Variants in PKNOX2 observed in about 807,000 individuals in gnomAD.
PKNOX2 encodes the protein PBX/knotted 1 homeobox 2, also known as homeobox protein PKNOX2.
Under a neutral mutation model 53.1 loss-of-function variants are expected in PKNOX2, and 14 were observed. The ratio of observed to expected loss-of-function variants is 0.26; its 90% CI spans 0.17 to 0.41. The LOEUF (loss-of-function observed/expected upper bound fraction) is 0.41. Ranked by LOEUF, PKNOX2 falls within the 10% of genes least tolerant of loss-of-function variation. The pLI is 1.00. For missense variants in PKNOX2, 496 were observed against 602.8 expected (o/e 0.82, Z 1.85); for synonymous variants, 257 against 242.8 (o/e 1.06, Z -0.54).
chr11:125,384,485 ACCATCCTGGCTAACATGGTGAAACC>A (rs1953484741), intron 5 of PKNOX2, among the ~76,000 whole-genome samples: 1 of 152,208 alleles, frequency 6.6e-6, no homozygotes, highest in South Asian at 2.1e-4. Flanking sequence ...GGAGATCGAG[ACCATCCTGGCTAACATGGTGAAACC>A]CCATCTCTAC....
intron 1 of PKNOX2, chr11:125,191,148 T>C (rs1207553433): frequency 6.6e-6 from 1 of 152,182 alleles, no homozygotes; most frequent in Non-Finnish European, 1.5e-5. Context: ...TAACATAGCT[T>C]ATACTCTTAT....
rs1027001347 is a variant in PKNOX2 at position 125,310,728 on chromosome 11, T to C, written c.-129-21091T>C. On this transcript the variant is annotated intron_variant, in intron 2 of 12. Coordinates refer to ENST00000298282, the MANE Select transcript of PKNOX2 (RefSeq NM_001382323.2). ...ATCCTGTTCTTTCCATACTCCAAGA[T>C]ATAATTTGCCATTGTCCACAGACTT... Among the ~76,000 whole-genome samples, 77 of 152,162 alleles carry C rather than the reference T, an allele frequency of 5.1e-4. 1 individual carries two copies. The highest frequency in any genetic ancestry group is 1.8e-3 in the African/African-American group (74 of 41,448).
chr11:125,313,988 G>C (rs1475705540), intron 2 of PKNOX2, among the ~76,000 whole-genome samples: 2 of 152,196 alleles, frequency 1.3e-5, no homozygotes, highest in Admixed American at 6.5e-5. Context: ...CACAATGCCA[G>C]GCACACAAGT....
In PKNOX2 at chr11:125,235,042, C is replaced by G. The variant is rs962927602; in HGVS notation, c.-200-3C>G. 5 of 152,630 alleles carry G rather than the reference C, an allele frequency of 3.3e-5. No homozygotes were observed. The highest frequency in any genetic ancestry group is 6.5e-5 in the Admixed American group (1 of 15,274). 9.5% of individuals were successfully genotyped at this position (152,630 alleles called of 1,614,324 possible). On this transcript the variant is annotated splice_region_variant and splice_polypyrimidine_tract_variant and intron_variant, in intron 1 of 12. Transcript: ENST00000298282. ...CTATAAAGATGTTTTCTTTCATTGGCAGGTGAAGTCTGGAGCAGGACTTCT... is the reference window on the plus strand; with the variant it reads ...CTATAAAGATGTTTTCTTTCATTGGGAGGTGAAGTCTGGAGCAGGACTTCT...
intron 2 of PKNOX2, among the ~76,000 whole-genome samples, chr11:125,286,890 G>A (rs568197409): frequency 4.6e-5 from 7 of 152,332 alleles, no homozygotes; most frequent in East Asian, 1.9e-4. Context: ...TTGTGAGTGC[G>A]CAGGCAGCGT....
chr11:125,265,036 C>A (rs574085901), intron 2 of PKNOX2, among the ~76,000 whole-genome samples: 3 of 152,242 alleles, frequency 2.0e-5, no homozygotes, highest in Admixed American at 1.3e-4. Context: ...AGCCTGTAAT[C>A]CCAGCACTCT....
chr11:125,256,740 T>C (rs1944429266), intron 2 of PKNOX2, among the ~76,000 whole-genome samples: 1 of 152,182 alleles, frequency 6.6e-6, no homozygotes, highest in East Asian at 1.9e-4. Context: ...ACTTCCTGGT[T>C]TCTCAGCAGA....
chr11:125,171,847 G>A (rs902156264), intron 1 of PKNOX2, among the ~76,000 whole-genome samples: 15 of 152,336 alleles, frequency 9.8e-5, no homozygotes, highest in Non-Finnish European at 1.9e-4. Flanking sequence ...GGACACTTTG[G>A]GGATGAGGGG....
chr11:125,330,895 A>G (rs1950100646), intron 2 of PKNOX2, among the ~76,000 whole-genome samples: 1 of 152,218 alleles, frequency 6.6e-6, no homozygotes, highest in Admixed American at 6.5e-5. Context: ...GGTGTTAACT[A>G]GGAAGGAACT....
intron 5 of PKNOX2, among the ~76,000 whole-genome samples, chr11:125,382,328 C>T (rs1953301288): frequency 1.3e-5 from 2 of 152,192 alleles, no homozygotes; most frequent in Non-Finnish European, 2.9e-5. Context: ...TGCACGCGCA[C>T]ACACACACAA....
At chr11:125,410,137 G>A (rs542011936) in intron 7 of PKNOX2, 59 bp from the exon 8 acceptor site, 4 of 1,592,070 alleles carry the variant, frequency 2.5e-6, no homozygotes, top group East Asian at 4.5e-5. Context: ...AGGACTCTGG[G>A]GCTGTAGGGT....
At chr11:125,231,163 G>T (rs868708598) in intron 1 of PKNOX2, among the ~76,000 whole-genome samples, 1 of 152,208 alleles carries the variant, frequency 6.6e-6, no homozygotes. Flanking sequence ...ATCCATGTCT[G>T]GCTGACCCCC....
intron 2 of PKNOX2, among the ~76,000 whole-genome samples, chr11:125,318,037 C>T (rs1299430793): frequency 6.6e-6 from 1 of 152,192 alleles, no homozygotes; most frequent in Non-Finnish European, 1.5e-5. Flanking sequence ...CTTCACCTTG[C>T]ACTTTTATGT....
rs1444368408 is a variant in PKNOX2 at position 125,432,590 on chromosome 11, T to A, written c.*1198T>A. 4 of 152,646 alleles carry A rather than the reference T, an allele frequency of 2.6e-5. No homozygotes were observed. Among genetic ancestry groups the A allele is most frequent in the African/African-American group, 9.7e-5 (4 of 41,414 alleles). 9.5% of individuals were successfully genotyped at this position (152,646 alleles called of 1,614,324 possible). On this transcript the variant is annotated 3_prime_UTR_variant, in exon 13 of 13. Coordinates refer to ENST00000298282, the MANE Select transcript of PKNOX2 (RefSeq NM_001382323.2). ...CCATCCCACACACCCCACCCAGCTGTTCTAACCCTGCTATCCACAGCCCTG... is the reference window on the plus strand; with the variant it reads ...CCATCCCACACACCCCACCCAGCTGATCTAACCCTGCTATCCACAGCCCTG...
At chr11:125,173,013 A>C (rs984650608) in intron 1 of PKNOX2, among the ~76,000 whole-genome samples, 2 of 152,222 alleles carry the variant, frequency 1.3e-5, no homozygotes, top group African/African-American at 4.8e-5. Context: ...GGGAAGGAAC[A>C]CAGGCTTTGG....
intron 7 of PKNOX2, among the ~76,000 whole-genome samples, chr11:125,405,367 T>G (rs1955023760): frequency 6.6e-6 from 1 of 152,232 alleles, no homozygotes; most frequent in Admixed American, 6.5e-5. Context: ...TGAGTGGAAA[T>G]GAAGTCTTCC....
intron 1 of PKNOX2, among the ~76,000 whole-genome samples, chr11:125,183,549 C>T (rs576722539): frequency 6.6e-6 from 1 of 152,284 alleles, no homozygotes; most frequent in Admixed American, 6.5e-5. Flanking sequence ...AAATCCCTGG[C>T]CAGCTACCCT....
At position 125,367,887 on chromosome 11, in the gene PKNOX2, C is replaced by A; in HGVS notation, c.129C>A (p.Val43=). ...TAQPPSKAQA[V]HISAPSAAAS... ...AGCCACCCTCCAAGGCCCAGGCTGT[C>A]CACATCTCTGCCCCCTCAGCTGCTG... Residue 43 remains valine, a synonymous_variant, in exon 5 of 13, where the codon GTC becomes GTA. Transcript: ENST00000298282. The A allele has an allele frequency of 6.2e-7, 1 of 1,613,634 alleles. No homozygotes were observed.
intron 4 of PKNOX2, among the ~76,000 whole-genome samples, chr11:125,366,550 A>C (rs958392981): frequency 2.6e-5 from 4 of 152,230 alleles, no homozygotes; most frequent in African/African-American, 9.6e-5. Flanking sequence ...ATCAATAAGC[A>C]CATAAATATA....
Sources: gnomAD v4.1 joint callset for allele counts (sites outside exome capture counted in the v4.1 genomes callset) on GRCh38, gnomAD v4.1.1 for gene constraint, MANE v1.5 for transcripts, NCBI Gene and HGNC (gene_info 2026-07-23, HGNC 2026-07-21) for gene names.